RUFY1: variants seen among roughly 807,000 people sequenced by gnomAD.
RUFY1 encodes RUN and FYVE domain-containing protein 1.
In RUFY1, 54 loss-of-function variants were observed where a neutral mutation model predicts 94.6. The ratio of observed to expected loss-of-function variants is 0.57; its 90% CI spans 0.46 to 0.72. The LOEUF is 0.72. Among genes scored for constraint, RUFY1 ranks in the 30% least tolerant of loss-of-function variants. RUFY1 has a pLI of 0.00. For synonymous variants in RUFY1, 396 were observed against 347.3 expected, an observed-to-expected ratio of 1.14 and a Z score of -1.56; for missense variants, 883 against 883.9, an observed-to-expected ratio of 1.00 and a Z score of 0.01.
intron 1 of RUFY1, among the ~76,000 whole-genome samples, chr5:179,556,965 C>G (rs1356343996): frequency 6.6e-6 from 1 of 152,166 alleles, no homozygotes; most frequent in Non-Finnish European, 1.5e-5. Context: ...TCTTTGAACT[C>G]TTTCCAAGTT....
chr5:179,607,876 C>T (rs1260011024), intron 17 of RUFY1, among the ~76,000 whole-genome samples: 1 of 152,256 alleles, frequency 6.6e-6, no homozygotes, highest in Non-Finnish European at 1.5e-5. Context: ...TCATAGGCCC[C>T]TGGTCTCCAG....
chr5:179,607,717 CCT>C, intron 17 of RUFY1, 58 bp downstream of exon 17: 10 of 1,442,700 alleles, frequency 6.9e-6, no homozygotes, highest in Non-Finnish European at 9.7e-6. Context: ...GCTGGATTCC[CCT>C]TTCTCTGGTT....
chr5:179,562,564 G>A lies in RUFY1; in HGVS notation c.502G>A (p.Gly168Ser), dbSNP rs1762533841. Reference protein sequence around the residue: ...HGLKVKKSFIGQNKSFFGPLE... With the variant: ...HGLKVKKSFISQNKSFFGPLE... ...CCTTTTAGTTAAGAAGAGTTTTATT[G>A]GCCAAAATAAATCATTCTTTGGTCC... Residue 168 changes from glycine to serine, a missense_variant, in exon 3 of 18, where the codon GGC becomes AGC. By Grantham distance (56) the Gly-to-Ser change is moderately conservative (BLOSUM62 0). Transcript: ENST00000319449. 3 of 1,607,226 alleles carry A rather than the reference G, an allele frequency of 1.9e-6. No homozygotes were observed. The African/African-American group carries it at 4.0e-5, about 22-fold the overall frequency.
intron 16 of RUFY1, chr5:179,606,239 A>G: frequency 2.6e-6 from 1 of 390,086 alleles, no homozygotes; most frequent in South Asian, 2.8e-5. Context: ...GATATCTTTA[A>G]ACAGTGGAAA....
At chr5:179,568,974 C>A in intron 4 of RUFY1, 1 of 915,912 alleles carries the variant, frequency 1.1e-6, no homozygotes, top group Non-Finnish European at 1.3e-6. Flanking sequence ...TAATTCATAT[C>A]AACACAGAAC....
intron 16 of RUFY1, 91 bp from the exon 17 acceptor site, chr5:179,607,491 A>G (rs1052268538): frequency 3.0e-6 from 3 of 1,005,864 alleles, no homozygotes; most frequent in African/African-American, 3.2e-5. Context: ...AACAGGTGCT[A>G]TGAGGGACAA....
intron 2 of RUFY1, 75 bp from the exon 3 acceptor site, chr5:179,562,472 T>A (rs28510162): frequency 5.0e-6 from 4 of 797,764 alleles, no homozygotes; most frequent in East Asian, 4.9e-5. Context: ...TTGGCTTTTG[T>A]GGGGAGAGGC....
intron 3 of RUFY1, among the ~76,000 whole-genome samples, chr5:179,565,208 C>CT (rs1762754004): frequency 8.9e-6 from 1 of 111,862 alleles, no homozygotes; most frequent in Non-Finnish European, 1.7e-5. Flanking sequence ...GAGTCTCACT[C>CT]TATCGCCCAG....
At chr5:179,553,586 C>A (rs1761963126) in intron 1 of RUFY1, among the ~76,000 whole-genome samples, 1 of 151,652 alleles carries the variant, frequency 6.6e-6, no homozygotes, top group Non-Finnish European at 1.5e-5. Flanking sequence ...GAGTTCGAGA[C>A]CAACCTGGCC....
At chr5:179,580,623 G>A (rs182095694) in intron 6 of RUFY1, among the ~76,000 whole-genome samples, 2 of 151,792 alleles carry the variant, frequency 1.3e-5, no homozygotes, top group East Asian at 1.9e-4. Flanking sequence ...AGTCCCGTGC[G>A]CTCCTTTCCT....
chr5:179,577,739 G>A (rs1036630942), intron 6 of RUFY1, among the ~76,000 whole-genome samples: 1 of 151,844 alleles, frequency 6.6e-6, no homozygotes, highest in African/African-American at 2.4e-5. Flanking sequence ...AGGTGTGTCC[G>A]CTCCTTTCAC....
chr5:179,556,504 T>A (rs7701576), intron 1 of RUFY1, among the ~76,000 whole-genome samples: 1 of 151,780 alleles, frequency 6.6e-6, no homozygotes, highest in East Asian at 1.9e-4. Context: ...TTTCTTGAAT[T>A]GCGTTTTTTT....
intron 14 of RUFY1, chr5:179,599,365 G>C (rs77898000): frequency 0.028 from 4,215 of 152,948 alleles, 193 homozygotes; most frequent in African/African-American, 0.096. Context: ...AGGAGAGGAA[G>C]CTGGGAGGAA....
chr5:179,604,724 C>T (rs910100747), intron 15 of RUFY1, among the ~76,000 whole-genome samples: 4 of 152,012 alleles, frequency 2.6e-5, no homozygotes, highest in African/African-American at 9.7e-5. Flanking sequence ...GCTCAGGCCT[C>T]TAATCCCAGC....
Position 179,596,700 on chromosome 5 carries a change from G to A in RUFY1, c.1631+19G>A. ...AGCAATGGTAGGGGCCCTGCAGGGA[G>A]CCTGGGCTGGGGTGTGGCTCAGGAG... On this transcript the variant is annotated intron_variant, in intron 13 of 17. Coordinates refer to ENST00000319449, the MANE Select transcript of RUFY1 (RefSeq NM_025158.5). 6.4e-7 allele frequency: 1 copy of A among 1,567,606 alleles called. No homozygotes were observed. Among genetic ancestry groups the A allele is most frequent in the Non-Finnish European group, 8.6e-7 (1 of 1,162,044 alleles).
intron 8 of RUFY1, among the ~76,000 whole-genome samples, chr5:179,587,109 A>C (rs1764665908): frequency 6.6e-6 from 1 of 152,150 alleles, no homozygotes; most frequent in African/African-American, 2.4e-5. Flanking sequence ...GCTGGAGTGC[A>C]GTGGCGCAGT....
intron 6 of RUFY1, among the ~76,000 whole-genome samples, chr5:179,579,657 C>CTTTTTTTCTTTTTTTT (rs1763945195): frequency 2.0e-5 from 1 of 50,548 alleles, no homozygotes; most frequent in Non-Finnish European, 3.8e-5. Flanking sequence ...TTTTCTTCTT[C>CTTTTTTTCTTTTTTTT]TTTTTTTTTT....
chr5:179,605,807 C>G, intron 15 of RUFY1, 69 bp from the exon 16 acceptor site: 1 of 1,020,840 alleles, frequency 9.8e-7, no homozygotes, highest in Non-Finnish European at 1.5e-6. Flanking sequence ...TCCTGAGAGC[C>G]AGCTGTGTTA....
At position 179,608,269 on chromosome 5, in the gene RUFY1, CTGTT is replaced by C. The variant is rs570968449; in HGVS notation, c.1983+611_1983+614del. On this transcript the variant is annotated intron_variant, in intron 17 of 17. Coordinates refer to ENST00000319449, the MANE Select transcript of RUFY1 (RefSeq NM_025158.5). ...CCTTTCTGCCACAGCCATGTTCTGT[CTGTT>C]CCCATCAACAGCCTAGCTCTGTGGA... The C allele has an allele frequency of 3.1e-4, 306 of 987,380 alleles. No individual in the cohort carries two copies. The African/African-American group carries it at 5.1e-3, about 17-fold the overall frequency. 61.2% of individuals were successfully genotyped at this position (987,380 alleles called of 1,614,324 possible).
Sources: allele counts gnomAD v4.1 joint callset (sites outside exome capture counted in the v4.1 genomes callset), GRCh38; gene constraint gnomAD v4.1.1; transcripts MANE v1.5; gene names NCBI Gene and HGNC (gene_info 2026-07-23, HGNC 2026-07-21).